Variants in FAM124B observed in about 807,000 individuals in gnomAD.
FAM124B encodes the protein protein FAM124B.
FAM124B carries 18 observed loss-of-function variants against 19.7 expected under a neutral mutation model. The ratio of observed to expected loss-of-function variants is 0.92; its 90% CI spans 0.63 to 1.36. The LOEUF is 1.36. Ranked by LOEUF, FAM124B falls within the 40% of genes most tolerant of loss-of-function variation. The pLI, the probability that FAM124B is intolerant of heterozygous loss-of-function variation, is 0.00. For synonymous variants in FAM124B, 223 were observed against 225.2 expected, an observed-to-expected ratio of 0.99 and a Z score of 0.09; for missense variants, 540 against 553.3, an observed-to-expected ratio of 0.98 and a Z score of 0.24.
intron 1 of FAM124B, among the ~76,000 whole-genome samples, chr2:224,388,650 C>T (rs1190233736): frequency 6.6e-6 from 1 of 152,188 alleles, no homozygotes; most frequent in African/African-American, 2.4e-5. Flanking sequence ...TGGTGATGGT[C>T]TCACAATACT....
At chr2:224,397,904 T>G (rs1421249913) in intron 1 of FAM124B, among the ~76,000 whole-genome samples, 1 of 152,184 alleles carries the variant, frequency 6.6e-6, no homozygotes, top group Non-Finnish European at 1.5e-5. Flanking sequence ...TAAATGAGTC[T>G]CCCAATATCT....
At chr2:224,390,114 TACACACACACACACACACAC>T (rs59825011) in intron 1 of FAM124B, among the ~76,000 whole-genome samples, 41 of 131,798 alleles carry the variant, frequency 3.1e-4, no homozygotes, top group South Asian at 2.3e-3. Flanking sequence ...GTCTTTGAAA[TACACACACACACACACACAC>T]ACACACACAC....
chr2:224,394,263 T>G (rs1251305165), intron 1 of FAM124B, among the ~76,000 whole-genome samples: 1 of 152,076 alleles, frequency 6.6e-6, no homozygotes, highest in Non-Finnish European at 1.5e-5. Context: ...AGCCACCAAC[T>G]CCACCTATGC....
intron 1 of FAM124B, among the ~76,000 whole-genome samples, 189 bp downstream of exon 1, chr2:224,400,848 T>TA (rs930521346): frequency 3.9e-5 from 6 of 152,120 alleles, no homozygotes; most frequent in Non-Finnish European, 7.4e-5. Context: ...CAAGAAGCTG[T>TA]AAAAAAGTTA....
intron 1 of FAM124B, among the ~76,000 whole-genome samples, chr2:224,397,428 G>A (rs568075785): frequency 8.5e-5 from 13 of 152,206 alleles, no homozygotes; most frequent in South Asian, 4.2e-4. Context: ...TATCAGCAGC[G>A]TGAAAACAAA....
At position 224,379,557 on chromosome 2, in the gene FAM124B, C is replaced by T. The variant is rs1363838609; in HGVS notation, c.*16G>A. 2.0e-6 allele frequency: 3 copies of T among 1,504,354 alleles called. No homozygotes were observed. The highest frequency in any genetic ancestry group is 2.7e-6 in the Non-Finnish European group (3 of 1,125,916). 93.2% of individuals were successfully genotyped at this position (1,504,354 alleles called of 1,614,324 possible). On this transcript the variant is annotated 3_prime_UTR_variant, in exon 2 of 2. Coordinates refer to ENST00000409685, the MANE Select transcript of FAM124B (RefSeq NM_001122779.2). ...TTATCTGATCTTGTGTTTTAGAAAA[C>T]CACATTTATTTTATGCTATATAAAG...
chr2:224,379,634 A>C lies in FAM124B; in HGVS notation c.1307T>G (p.Leu436Arg), dbSNP rs1350293115. ...LGTRKTISEC[L>R]LHLQVQGEEK... ...TTCACCCTGAACTTGCAGATGAAGG[A>C]GACATTCTGAAATTGTCTTCCTGGT... is the stretch of plus-strand genomic sequence containing the variant. The change falls in exon 2 of 2, where the codon CTC (leucine) becomes CGC (arginine). Residue 436 changes from leucine (L) to arginine (R), a missense_variant. Leu to Arg is a moderately radical substitution (Grantham distance 102). Coordinates refer to ENST00000409685, the MANE Select transcript of FAM124B (RefSeq NM_001122779.2). The C allele has an allele frequency of 6.4e-7, 1 of 1,551,274 alleles. No individual in the cohort carries two copies. The highest frequency in any genetic ancestry group is 1.4e-5 in the African/African-American group (1 of 73,112).
Position 224,379,356 on chromosome 2 carries a change from G to T in FAM124B, c.*217C>A. ...AAAAGCATTCGGTTTTTTTCCCTGT[G>T]TGTTGGCTGTGTTCTCTTATGACTG... On this transcript the variant is annotated 3_prime_UTR_variant, in exon 2 of 2. Coordinates refer to ENST00000409685, the MANE Select transcript of FAM124B (RefSeq NM_001122779.2). The T allele has an allele frequency of 1.6e-6, 1 of 636,262 alleles. No homozygotes were observed. Among genetic ancestry groups the T allele is most frequent in the Non-Finnish European group, 2.5e-6 (1 of 404,682 alleles). The allele number at this position is 636,262 out of a possible 1,614,324, so 39.4% of individuals were successfully genotyped here.
At chr2:224,395,282 A>G (rs984781018) in intron 1 of FAM124B, among the ~76,000 whole-genome samples, 3 of 152,224 alleles carry the variant, frequency 2.0e-5, no homozygotes, top group African/African-American at 7.2e-5. Flanking sequence ...TAAAAAGTAC[A>G]AAAAATACAA....
In FAM124B at chr2:224,380,737, G is replaced by T. The variant is rs564010326; in HGVS notation, c.733-529C>A. Among the ~76,000 whole-genome samples, 40 of 152,294 alleles carry T rather than the reference G, an allele frequency of 2.6e-4. 1 individual carries two copies. Among genetic ancestry groups the T allele is most frequent in the Admixed American group, 3.9e-4 (6 of 15,304 alleles). ...CTAAGACATGTGACCACTCCAGACG[G>T]CTAATAATTTGGCAGCAATATTCTT... On this transcript the variant is annotated intron_variant, in intron 1 of 1. Coordinates refer to ENST00000409685, the MANE Select transcript of FAM124B (RefSeq NM_001122779.2).
intron 1 of FAM124B, among the ~76,000 whole-genome samples, chr2:224,394,460 C>T (rs2106086034): frequency 6.6e-6 from 1 of 152,296 alleles, no homozygotes; most frequent in East Asian, 1.9e-4. Flanking sequence ...AATTTAACCT[C>T]CTATTTCCAT....
intron 1 of FAM124B, among the ~76,000 whole-genome samples, chr2:224,396,848 G>T (rs140663808): frequency 1.2e-3 from 176 of 152,304 alleles, no homozygotes; most frequent in African/African-American, 4.0e-3. Context: ...CCTCAGAGCT[G>T]CTAGCAGCCA....
At chr2:224,400,383 G>A (rs1015874912) in intron 1 of FAM124B, 2 of 671,836 alleles carry the variant, frequency 3.0e-6, no homozygotes, top group Non-Finnish European at 5.4e-6. Flanking sequence ...GCACGTGCCT[G>A]TAGTCCCAGC....
intron 1 of FAM124B, among the ~76,000 whole-genome samples, chr2:224,383,051 C>A (rs1689749690): frequency 6.6e-6 from 1 of 152,148 alleles, no homozygotes; most frequent in African/African-American, 2.4e-5. Context: ...GGGATGCCCA[C>A]TGCACCGAAG....
In FAM124B at chr2:224,397,278, T is replaced by C. The variant is rs2106088264; in HGVS notation, c.732+3759A>G. ...GAGTTCTCTGCACAAGCCCTCTCTT[T>C]GCCACCTACTGCTATCCATGTAAGA... is the stretch of plus-strand genomic sequence containing the variant. On this transcript the variant is annotated intron_variant, in intron 1 of 1. Transcript: ENST00000409685. 1.3e-5 allele frequency among the ~76,000 whole-genome samples: 2 copies of C among 152,318 alleles called. 1 individual carries two copies. Among genetic ancestry groups the C allele is most frequent in the South Asian group, 4.1e-4 (2 of 4,826 alleles).
At chr2:224,400,399 A>G in intron 1 of FAM124B, 1 of 685,244 alleles carries the variant, frequency 1.5e-6, no homozygotes, top group South Asian at 1.6e-5. Context: ...CCAGCTAATC[A>G]GGAGGCTAAG....
rs112081714 is a variant in FAM124B at position 224,386,016 on chromosome 2, G to A, written c.733-5808C>T. 2.6e-3 allele frequency among the ~76,000 whole-genome samples: 399 copies of A among 152,098 alleles called. 6 individuals carry two copies. Among genetic ancestry groups the A allele is most frequent in the African/African-American group, 9.2e-3 (383 of 41,484 alleles). ...GAGGATTGGATCACACCACACCATC[G>A]TCCTGCTTCAGTGACGCCCTACTCT... is the stretch of plus-strand genomic sequence containing the variant. On this transcript the variant is annotated intron_variant, in intron 1 of 1. Coordinates refer to ENST00000409685, the MANE Select transcript of FAM124B (RefSeq NM_001122779.2).
At chr2:224,395,626 C>T (rs1689956566) in intron 1 of FAM124B, among the ~76,000 whole-genome samples, 1 of 152,218 alleles carries the variant, frequency 6.6e-6, no homozygotes, top group East Asian at 1.9e-4. Context: ...CAATGTCTGG[C>T]CCAGAGCAAG....
chr2:224,401,835 G>C lies in FAM124B; in HGVS notation c.-67C>G. The C allele has an allele frequency of 6.5e-7, 1 of 1,529,248 alleles. No individual in the cohort carries two copies. The highest frequency in any genetic ancestry group is 8.8e-7 in the Non-Finnish European group (1 of 1,138,190). The allele number at this position is 1,529,248 out of a possible 1,614,324, so 94.7% of individuals were successfully genotyped here. ...GGCCCACTGTTCAAGTTTCTGAAATGAATGAAGAAGCGGCCCAGCCTTCAG... is the reference window on the plus strand; with the variant it reads ...GGCCCACTGTTCAAGTTTCTGAAATCAATGAAGAAGCGGCCCAGCCTTCAG... On this transcript the variant is annotated 5_prime_UTR_variant, in exon 1 of 2. Transcript: ENST00000409685.
Sources: gnomAD v4.1 joint callset for allele counts (sites outside exome capture counted in the v4.1 genomes callset) on GRCh38, gnomAD v4.1.1 for gene constraint, MANE v1.5 for transcripts, NCBI Gene and HGNC (gene_info 2026-07-23, HGNC 2026-07-21) for gene names.